Variants in FAM117A observed in about 807,000 individuals in gnomAD.
FAM117A encodes family with sequence similarity 117 member A.
Under a neutral mutation model 44.1 loss-of-function variants are expected in FAM117A, and 21 were observed. That is an observed-to-expected ratio of 0.48 (90% confidence interval 0.34 to 0.69). The LOEUF (loss-of-function observed/expected upper bound fraction) is 0.69. FAM117A is among the 30% of genes least tolerant of loss of function. The probability of loss-of-function intolerance (pLI) is 0.01; values close to 1 mark genes in which losing one functional copy is unlikely to be tolerated. For synonymous variants in FAM117A, 220 were observed against 238.3 expected, an observed-to-expected ratio of 0.92 and a Z score of 0.71; for missense variants, 498 against 589.9, an observed-to-expected ratio of 0.84 and a Z score of 1.61.
At chr17:49,778,979 G>A (rs2143804098) in intron 1 of FAM117A, among the ~76,000 whole-genome samples, 1 of 152,340 alleles carries the variant, frequency 6.6e-6, no homozygotes, top group South Asian at 2.1e-4. Context: ...TTTGAGCTGA[G>A]ATCTGAAGGA....
upstream of FAM117A, among the ~76,000 whole-genome samples, chr17:49,767,559 G>A (rs1166772515): frequency 6.6e-6 from 1 of 152,204 alleles, no homozygotes; most frequent in East Asian, 1.9e-4. Flanking sequence ...TACATGACCT[G>A]GTTCCTGCTT....
chr17:49,788,710 A>C (rs2073839008), upstream of FAM117A: 6 of 1,023,392 alleles, frequency 5.9e-6, no homozygotes, highest in Non-Finnish European at 8.3e-6. Flanking sequence ...GAGAGGCAGG[A>C]GGCACTAGGG....
At chr17:49,749,393 G>A (rs1308236222) in intron 1 of FAM117A, among the ~76,000 whole-genome samples, 2 of 151,836 alleles carry the variant, frequency 1.3e-5, no homozygotes, top group Admixed American at 6.6e-5. Context: ...TGGCCAACAT[G>A]GTGAAACCCC....
intron 1 of FAM117A, among the ~76,000 whole-genome samples, chr17:49,770,430 T>C (rs1211318406): frequency 6.6e-6 from 1 of 152,154 alleles, no homozygotes; most frequent in Non-Finnish European, 1.5e-5. Flanking sequence ...ATTCCATGTA[T>C]ATGAAATGTC....
chr17:49,760,851 T>C (rs1418415587), intron 1 of FAM117A, among the ~76,000 whole-genome samples: 2 of 152,208 alleles, frequency 1.3e-5, no homozygotes, highest in East Asian at 3.8e-4. Flanking sequence ...TAAGGGAGAA[T>C]TGCAGTGAGA....
chr17:49,789,079 C>T (rs2073847973), upstream of FAM117A: 2 of 404,544 alleles, frequency 4.9e-6, no homozygotes, highest in South Asian at 9.0e-5. Context: ...CGGAGGCGTT[C>T]TTATTAATTG....
chr17:49,775,907 A>G (rs1390143024), intron 1 of FAM117A, among the ~76,000 whole-genome samples: 15 of 152,192 alleles, frequency 9.9e-5, no homozygotes, highest in Non-Finnish European at 5.9e-5. Flanking sequence ...TTAGATACCA[A>G]TCCTGTCAAT....
rs574174908 is a variant in FAM117A, at chr17:49,749,303, C to T, written c.196+14589G>A. Among the ~76,000 whole-genome samples, 12 of 152,064 alleles carry T rather than the reference C, an allele frequency of 7.9e-5. No homozygotes were observed. In the East Asian group the frequency reaches 1.5e-3, roughly 20 times the overall value. ...TGTATTTTAAGAAATGAAGGCCAGG[C>T]GCAGTGGCTCACACCTGTAATCCCA... On this transcript the variant is annotated intron_variant, in intron 1 of 7. Transcript: ENST00000240364.
intron 1 of FAM117A, among the ~76,000 whole-genome samples, chr17:49,759,387 C>G (rs767602664): frequency 2.2e-4 from 33 of 152,286 alleles, no homozygotes; most frequent in Admixed American, 5.2e-4. Context: ...CATGTATGTG[C>G]CTGGTGCTGG....
chr17:49,731,319 T>G (rs923704713), intron 2 of FAM117A, among the ~76,000 whole-genome samples: 2 of 152,224 alleles, frequency 1.3e-5, no homozygotes, highest in Admixed American at 6.5e-5. Context: ...TATCTCGAAA[T>G]AACTCATTTG....
chr17:49,727,351 C>G (rs1407164273), intron 2 of FAM117A, among the ~76,000 whole-genome samples: 1 of 152,062 alleles, frequency 6.6e-6, no homozygotes, highest in Admixed American at 6.5e-5. Flanking sequence ...GAGGTTGCAG[C>G]GAGCCAAAAT....
At position 49,758,440 on chromosome 17, in the gene FAM117A, A is replaced by G. The variant is rs189310078; in HGVS notation, c.196+5452T>C. Among the ~76,000 whole-genome samples the G allele has an allele frequency of 1.5e-3, 234 of 151,546 alleles. 1 individual carries two copies. Among genetic ancestry groups the G allele is most frequent in the African/African-American group, 5.4e-3 (224 of 41,290 alleles). On this transcript the variant is annotated intron_variant, in intron 1 of 7. Transcript: ENST00000240364. Reference sequence around the variant, plus strand: ...GGAGTTTGAGACCAGCCTGGCCAATATGGTGAAACCCCGTCTCTACTAAAA... The same window carrying G: ...GGAGTTTGAGACCAGCCTGGCCAATGTGGTGAAACCCCGTCTCTACTAAAA...
intron 1 of FAM117A, among the ~76,000 whole-genome samples, chr17:49,756,316 A>G (rs1294498490): frequency 6.6e-6 from 1 of 152,148 alleles, no homozygotes; most frequent in African/African-American, 2.4e-5. Context: ...ATCTACTTTT[A>G]GAGTTGCACA....
Position 49,711,162 on chromosome 17 carries a change from AG to A in FAM117A, c.*92del. On this transcript the variant is annotated 3_prime_UTR_variant, in exon 8 of 8. Coordinates refer to ENST00000240364, the MANE Select transcript of FAM117A (RefSeq NM_030802.4). Reference sequence around the variant, plus strand: ...GAAAGTGCTCGAAGGCCGAGAGGGAAGGGCCCCTCCATACCCCATCTCAGGG... The same window carrying A: ...GAAAGTGCTCGAAGGCCGAGAGGGAAGGCCCCTCCATACCCCATCTCAGGG... 3 of 1,271,540 alleles carry A rather than the reference AG, an allele frequency of 2.4e-6. No individual in the cohort carries two copies. In the East Asian group the frequency reaches 7.2e-5, roughly 30 times the overall value. The allele number at this position is 1,271,540 out of a possible 1,614,324, so 78.8% of individuals were successfully genotyped here.
chr17:49,756,656 C>T (rs2073699845), intron 1 of FAM117A, among the ~76,000 whole-genome samples: 1 of 151,508 alleles, frequency 6.6e-6, no homozygotes, highest in Non-Finnish European at 1.5e-5. Context: ...TGGTTCACAC[C>T]TGTAATCGCA....
intron 1 of FAM117A, among the ~76,000 whole-genome samples, chr17:49,775,251 G>A (rs1353091690): frequency 6.6e-6 from 1 of 152,200 alleles, no homozygotes; most frequent in African/African-American, 2.4e-5. Context: ...GCCTCCCAAA[G>A]TGCTGGGATT....
chr17:49,788,781 C>A, upstream of FAM117A: 5 of 1,555,798 alleles, frequency 3.2e-6, no homozygotes, highest in Non-Finnish European at 4.3e-6. Flanking sequence ...AGCCACCGTT[C>A]CTGCTGCTGC....
chr17:49,718,899 C>T (rs1169405288), intron 5 of FAM117A, among the ~76,000 whole-genome samples: 2 of 151,304 alleles, frequency 1.3e-5, no homozygotes, highest in Non-Finnish European at 2.9e-5. Context: ...ATTGCTTGAA[C>T]CCGGGAGGCG....
At chr17:49,749,364 C>T (rs372516420) in intron 1 of FAM117A, among the ~76,000 whole-genome samples, 133 of 152,044 alleles carry the variant, frequency 8.7e-4, no homozygotes, top group Middle Eastern at 3.4e-3. Flanking sequence ...ATCACAAGGT[C>T]AGGAGATCAA....
Sources: gnomAD v4.1 joint callset for allele counts (sites outside exome capture counted in the v4.1 genomes callset) on GRCh38, gnomAD v4.1.1 for gene constraint, MANE v1.5 for transcripts, NCBI Gene and HGNC (gene_info 2026-07-23, HGNC 2026-07-21) for gene names.